DNAH9: variants seen among roughly 807,000 people sequenced by gnomAD.
The protein encoded by DNAH9 is dynein axonemal heavy chain 9, also known as DNAH9 variant protein.
A neutral mutation model predicts 471.6 loss-of-function variants in DNAH9; 345 were observed. The observed-to-expected ratio is 0.73, with a 90% confidence interval of 0.67 to 0.80. DNAH9 has a LOEUF of 0.80. DNAH9 is among the 30% of genes least tolerant of loss of function. The pLI is 0.00. For synonymous variants in DNAH9, 2,093 were observed against 2,123.6 expected (o/e 0.99, Z 0.40); for missense variants, 5,407 against 5,609.2 (o/e 0.96, Z 1.15).
chr17:11,842,363 G>GA (rs1344245621), intron 49 of DNAH9, among the ~76,000 whole-genome samples: 1 of 152,154 alleles, frequency 6.6e-6, no homozygotes, highest in Non-Finnish European at 1.5e-5. Context: ...ACATTAAAAA[G>GA]AAAAGCTTTG....
At chr17:11,760,546 G>T (rs1329807632) in intron 35 of DNAH9, among the ~76,000 whole-genome samples, 2 of 151,822 alleles carry the variant, frequency 1.3e-5, no homozygotes, top group Non-Finnish European at 2.9e-5. Flanking sequence ...TTGAGACGGA[G>T]TCTTGCTCTG....
chr17:11,783,254 G>C (rs1302304972), intron 39 of DNAH9, among the ~76,000 whole-genome samples: 1 of 152,182 alleles, frequency 6.6e-6, no homozygotes, highest in East Asian at 1.9e-4. Context: ...AGAGATGGAA[G>C]CTAAGAACCC....
chr17:11,794,918 C>T (rs1248173058), intron 42 of DNAH9, among the ~76,000 whole-genome samples: 2 of 96,184 alleles, frequency 2.1e-5, no homozygotes, highest in East Asian at 5.8e-4. Flanking sequence ...ACACAGGGGC[C>T]TGTTGTGGGG....
chr17:11,608,614 C>T (rs377558304), intron 2 of DNAH9, among the ~76,000 whole-genome samples: 1 of 152,116 alleles, frequency 6.6e-6, no homozygotes, highest in African/African-American at 2.4e-5. Context: ...ACTAGCTTTC[C>T]GTATTTTGCT....
intron 1 of DNAH9, 80 bp from the exon 2 acceptor site, chr17:11,608,049 A>ATAC: frequency 8.8e-7 from 1 of 1,140,208 alleles, no homozygotes; most frequent in Non-Finnish European, 1.3e-6. Context: ...ATAGCTTTAT[A>ATAC]AGCCTTTTCC....
At chr17:11,894,560 T>C in intron 59 of DNAH9, 64 bp downstream of exon 59, 1 of 1,587,916 alleles carries the variant, frequency 6.3e-7, no homozygotes, top group East Asian at 2.3e-5. Context: ...CTGACACTGG[T>C]CCCCATGAAG....
intron 59 of DNAH9, among the ~76,000 whole-genome samples, chr17:11,894,731 C>T (rs1485073380): frequency 6.6e-6 from 1 of 152,176 alleles, no homozygotes; most frequent in African/African-American, 2.4e-5. Context: ...TGTGAGGAAA[C>T]AGAAAGTTCC....
At chr17:11,799,910 G>GCCC (rs1465708487) in intron 43 of DNAH9, among the ~76,000 whole-genome samples, 1 of 152,018 alleles carries the variant, frequency 6.6e-6, no homozygotes, top group Non-Finnish European at 1.5e-5. Context: ...CTCTACCCGT[G>GCCC]CCCCTAAGCA....
At chr17:11,926,789 G>T (rs947118242) in intron 62 of DNAH9, among the ~76,000 whole-genome samples, 1 of 152,122 alleles carries the variant, frequency 6.6e-6, no homozygotes, top group Non-Finnish European at 1.5e-5. Flanking sequence ...AGGATTGGTG[G>T]ATCAAATGGT....
At chr17:11,877,957 C>T (rs935005509) in intron 53 of DNAH9, among the ~76,000 whole-genome samples, 5 of 152,138 alleles carry the variant, frequency 3.3e-5, no homozygotes, top group African/African-American at 9.7e-5. Context: ...TGGTCTTGAA[C>T]TCCTGACCTC....
In DNAH9 at chr17:11,669,566, A is replaced by G. The variant is rs1400010651; in HGVS notation, c.3125A>G (p.Asp1042Gly). The change falls in exon 17 of 69, where the codon GAC becomes GGC. Residue 1042 changes from aspartate to glycine, a missense_variant. Transcript: ENST00000262442. Reference protein sequence around the residue: ...GHILTPEEIEDHVEDGIPENP... With the variant: ...GHILTPEEIEGHVEDGIPENP... ...ATCCTCACTCCGGAAGAAATTGAAG[A>G]CCATGTGGAAGATGGCATCCCAGAG... 6.2e-7 allele frequency: 1 copy of G among 1,614,100 alleles called. No homozygotes were observed. Among genetic ancestry groups the G allele is most frequent in the Non-Finnish European group, 8.5e-7 (1 of 1,180,006 alleles).
intron 67 of DNAH9, among the ~76,000 whole-genome samples, chr17:11,943,934 G>A (rs35212282): frequency 0.26 from 38,969 of 151,962 alleles, 5,605 homozygotes; most frequent in Middle Eastern, 0.34. Flanking sequence ...TACTGAGTAC[G>A]CAGGTATATA....
rs1345888959 is a variant in DNAH9, at chr17:11,763,624, T to C, written c.7170+10T>C. Reference sequence around the variant, plus strand: ...AATGGTCCAAGATCAGGTAAGGAGATATGTTGAGCTCAACAACCACACTGA... The same window carrying C: ...AATGGTCCAAGATCAGGTAAGGAGACATGTTGAGCTCAACAACCACACTGA... On this transcript the variant is annotated intron_variant, in intron 36 of 68. Coordinates refer to ENST00000262442, the MANE Select transcript of DNAH9 (RefSeq NM_001372.4). 1 of 1,612,830 alleles carries C rather than the reference T, an allele frequency of 6.2e-7. No homozygotes were observed. Among genetic ancestry groups the C allele is most frequent in the Non-Finnish European group, 8.5e-7 (1 of 1,179,372 alleles).
chr17:11,969,373 C>G lies in DNAH9; in HGVS notation c.13307C>G (p.Pro4436Arg). The stretch of plus-strand genomic sequence containing the variant: ...CCTGTGATGTTCATCAAGGCCATTC[C>G]TGCAGATAAGCAGGACTGCCGCAGT... The part of the protein sequence containing the change: ...PMPVMFIKAI[P>R]ADKQDCRSVY... The change falls in exon 69 of 69, where the codon CCT becomes CGT. Residue 4436 changes from proline to arginine, a missense_variant. This residue lies in a region of DNAH9 where 4,636 missense variants were observed against 4,900.3 expected (regional missense o/e 0.95). Coordinates refer to ENST00000262442, the MANE Select transcript of DNAH9 (RefSeq NM_001372.4). 6.2e-6 allele frequency: 10 copies of G among 1,614,058 alleles called. No homozygotes were observed. The highest frequency in any genetic ancestry group is 6.8e-6 in the Non-Finnish European group (8 of 1,180,008).
intron 48 of DNAH9, among the ~76,000 whole-genome samples, chr17:11,832,978 G>A (rs1040577676): frequency 2.6e-5 from 4 of 152,170 alleles, no homozygotes; most frequent in African/African-American, 4.8e-5. Context: ...CAGAGTCACC[G>A]TTAAAACAGA....
At chr17:11,882,740 C>A (rs1412172095) in intron 55 of DNAH9, among the ~76,000 whole-genome samples, 1 of 152,132 alleles carries the variant, frequency 6.6e-6, no homozygotes, top group Admixed American at 6.5e-5. Flanking sequence ...CAGGGTAATA[C>A]TGGAAAGCCA....
intron 10 of DNAH9, among the ~76,000 whole-genome samples, chr17:11,640,736 G>A (rs758582698): frequency 2.0e-5 from 3 of 152,144 alleles, no homozygotes; most frequent in Non-Finnish European, 4.4e-5. Context: ...GGAAAGTAAT[G>A]AAGCCCAGTG....
In DNAH9 at chr17:11,679,799, C is replaced by T; in HGVS notation, c.3396C>T (p.Gly1132=). 1 of 1,614,068 alleles carries T rather than the reference C, an allele frequency of 6.2e-7. No individual in the cohort carries two copies. Among genetic ancestry groups the T allele is most frequent in the Non-Finnish European group, 8.5e-7 (1 of 1,180,000 alleles). ...CGTTTATAAAGAAGAGTGAGAGCGG[C>T]TTACTCAAGAAAGTTGAAAAAGGAG... is the stretch of plus-strand genomic sequence containing the variant. The part of the protein sequence containing the change: ...LDAFIKKSES[G]LLKKVEKGDF... The change falls in exon 18 of 69, where the codon GGC becomes GGT. Residue 1132 remains glycine (G), a synonymous_variant. Transcript: ENST00000262442.
intron 61 of DNAH9, among the ~76,000 whole-genome samples, chr17:11,909,497 A>G (rs2151018512): frequency 6.6e-6 from 1 of 152,216 alleles, no homozygotes; most frequent in South Asian, 2.1e-4. Flanking sequence ...AAACCCCAAT[A>G]AAGACCCTGG....
Sources: gnomAD v4.1 joint callset for allele counts (sites outside exome capture counted in the v4.1 genomes callset) on GRCh38, gnomAD v4.1.1 for gene constraint, gnomAD v4.1.1 regional missense constraint, MANE v1.5 for transcripts, NCBI Gene and HGNC (gene_info 2026-07-23, HGNC 2026-07-21) for gene names.